The following CHRM3 variants were observed in gnomAD, a reference collection of about 807,000 sequenced individuals.
CHRM3 encodes the protein muscarinic acetylcholine receptor M3.
Under a neutral mutation model 41.8 loss-of-function variants are expected in CHRM3, and 11 were observed. That is an observed-to-expected ratio of 0.26 (90% confidence interval 0.17 to 0.44). The LOEUF (loss-of-function observed/expected upper bound fraction) is 0.44, where lower values mean the gene tolerates loss of function less well. CHRM3 is among the 20% of genes least tolerant of loss of function. The pLI, the probability that CHRM3 is intolerant of heterozygous loss-of-function variation, is 1.00. For synonymous variants in CHRM3, 297 were observed against 301.4 expected (o/e 0.99, Z 0.15); for missense variants, 571 against 745.4 (o/e 0.77, Z 2.72).
chr1:239,461,355 T>C (rs765530076), intron 1 of CHRM3, among the ~76,000 whole-genome samples: 77 of 152,266 alleles, frequency 5.1e-4, no homozygotes, highest in Non-Finnish European at 9.9e-4. Context: ...TTGGTCAATA[T>C]ACATAGAAGA....
At chr1:239,512,836 C>G (rs1669012552) in intron 2 of CHRM3, among the ~76,000 whole-genome samples, 1 of 151,192 alleles carries the variant, frequency 6.6e-6, no homozygotes, top group Non-Finnish European at 1.5e-5. Context: ...CTGTTAGAAT[C>G]AAGACTGTTG....
At chr1:239,816,430 A>G (rs58359377) in intron 5 of CHRM3, among the ~76,000 whole-genome samples, 76,659 of 151,894 alleles carry the variant, frequency 0.5, 19,974 homozygotes, top group African/African-American at 0.64. Flanking sequence ...TAATCCCCAC[A>G]GAGCATCTAT....
At chr1:239,572,903 G>A (rs945123219) in intron 3 of CHRM3, among the ~76,000 whole-genome samples, 2 of 152,154 alleles carry the variant, frequency 1.3e-5, no homozygotes, top group African/African-American at 4.8e-5. Flanking sequence ...TCCTTTGTCT[G>A]TGATTGTTTA....
chr1:239,903,128 T>G (rs544337039), intron 6 of CHRM3, among the ~76,000 whole-genome samples: 1 of 152,326 alleles, frequency 6.6e-6, no homozygotes, highest in African/African-American at 2.4e-5. Flanking sequence ...TTCTTTCATT[T>G]TCTGTATTCA....
intron 6 of CHRM3, among the ~76,000 whole-genome samples, chr1:239,852,102 A>C (rs1202599204): frequency 1.3e-5 from 2 of 151,958 alleles, no homozygotes; most frequent in Non-Finnish European, 2.9e-5. Flanking sequence ...GTCCAATTCA[A>C]CTCCAATAAA....
At chr1:239,597,482 T>C (rs1394186406) in intron 3 of CHRM3, among the ~76,000 whole-genome samples, 1 of 151,122 alleles carries the variant, frequency 6.6e-6, no homozygotes, top group East Asian at 1.9e-4. Flanking sequence ...TCTGATCTTG[T>C]AGATTTTTTT....
intron 5 of CHRM3, among the ~76,000 whole-genome samples, chr1:239,741,669 A>G (rs1256055305): frequency 7.2e-6 from 1 of 139,068 alleles, no homozygotes; most frequent in African/African-American, 2.6e-5. Flanking sequence ...GGTTGAATTC[A>G]ATCAGCTAAA....
intron 1 of CHRM3, among the ~76,000 whole-genome samples, chr1:239,460,432 A>T (rs1447830832): frequency 6.6e-6 from 1 of 152,180 alleles, no homozygotes; most frequent in Non-Finnish European, 1.5e-5. Flanking sequence ...CCATCCCAGA[A>T]TGATTGGTAT....
At chr1:239,455,623 G>C (rs530537205) in intron 1 of CHRM3, among the ~76,000 whole-genome samples, 1 of 152,214 alleles carries the variant, frequency 6.6e-6, no homozygotes, top group Admixed American at 6.5e-5. Context: ...ATAGAAAAAA[G>C]CTTATAGTAT....
At chr1:239,879,055 G>A (rs1234624735) in intron 6 of CHRM3, among the ~76,000 whole-genome samples, 4 of 152,114 alleles carry the variant, frequency 2.6e-5, no homozygotes, top group Non-Finnish European at 5.9e-5. Context: ...CTGGAGAACT[G>A]GTCTAAGCAC....
chr1:239,720,709 C>A (rs533854420), intron 5 of CHRM3, among the ~76,000 whole-genome samples: 2 of 151,842 alleles, frequency 1.3e-5, no homozygotes, highest in African/African-American at 4.8e-5. Flanking sequence ...CACGAATAAG[C>A]ATGATTTAAC....
intron 2 of CHRM3, among the ~76,000 whole-genome samples, chr1:239,501,038 T>A (rs1668209438): frequency 6.6e-6 from 1 of 152,198 alleles, no homozygotes; most frequent in Non-Finnish European, 1.5e-5. Flanking sequence ...AAGAGGTACA[T>A]TATATAATGG....
chr1:239,388,985 C>T (rs1658783848), intron 1 of CHRM3, among the ~76,000 whole-genome samples: 1 of 152,074 alleles, frequency 6.6e-6, no homozygotes, highest in South Asian at 2.1e-4. Context: ...AATGACATTG[C>T]CGGTCGGATT....
chr1:239,841,462 AGGAAAAAT>A lies in CHRM3; in HGVS notation c.-20+14085_-20+14092del, dbSNP rs1246156377. Among the ~76,000 whole-genome samples, 50 of 152,272 alleles carry A rather than the reference AGGAAAAAT, an allele frequency of 3.3e-4. No homozygotes were observed. The South Asian group carries it at 0.01, about 32-fold the overall frequency. On this transcript the variant is annotated intron_variant, in intron 6 of 6. Coordinates refer to ENST00000676153, the MANE Select transcript of CHRM3 (RefSeq NM_001375978.1). The stretch of plus-strand genomic sequence containing the variant: ...TCGCAACTTTCAGCTGTCTCTAAGG[AGGAAAAAT>A]AGAGAGTAAAACTCTATTACCTGTT...
At chr1:239,868,583 G>C (rs1336058723) in intron 6 of CHRM3, among the ~76,000 whole-genome samples, 2 of 152,166 alleles carry the variant, frequency 1.3e-5, no homozygotes, top group African/African-American at 4.8e-5. Context: ...CCATCCGCCA[G>C]CCCTGGCTAG....
chr1:239,518,094 A>G (rs1467204441), intron 2 of CHRM3, among the ~76,000 whole-genome samples: 6 of 152,178 alleles, frequency 3.9e-5, no homozygotes, highest in Non-Finnish European at 8.8e-5. Flanking sequence ...CAACAGAGTG[A>G]GACTCCATCT....
intron 2 of CHRM3, among the ~76,000 whole-genome samples, chr1:239,499,197 G>C (rs563622437): frequency 6.6e-6 from 1 of 152,216 alleles, no homozygotes; most frequent in Non-Finnish European, 1.5e-5. Context: ...AAGGGATTTG[G>C]CTTCTGGATT....
intron 5 of CHRM3, among the ~76,000 whole-genome samples, chr1:239,759,169 G>GTTTTTTTTTTT (rs568446013): frequency 1.6e-4 from 16 of 102,098 alleles, no homozygotes; most frequent in East Asian, 3.3e-4. Context: ...TTTTTTTTTT[G>GTTTTTTTTTTT]TTTTTTTTTT....
chr1:239,910,842 G>T lies in CHRM3; in HGVS notation c.*1618G>T, dbSNP rs958783744. On this transcript the variant is annotated 3_prime_UTR_variant, in exon 7 of 7. Coordinates refer to ENST00000676153, the MANE Select transcript of CHRM3 (RefSeq NM_001375978.1). ...TGGGTAGAAGCTGCTTTTGTATTCA[G>T]TGTGAGGTGGTGTTTACAGACGACT... 3.6e-5 allele frequency: 6 copies of T among 167,028 alleles called. No homozygotes were observed. The highest frequency in any genetic ancestry group is 1.3e-4 in the Admixed American group (2 of 15,258). 10.3% of individuals were successfully genotyped at this position (167,028 alleles called of 1,614,324 possible). A position where few individuals can be genotyped will look rare whatever the true frequency, so the allele number is the denominator to read the frequency against.
Sources: gnomAD v4.1 joint callset for allele counts (sites outside exome capture counted in the v4.1 genomes callset) on GRCh38, gnomAD v4.1.1 for gene constraint, MANE v1.5 for transcripts, NCBI Gene and HGNC (gene_info 2026-07-23, HGNC 2026-07-21) for gene names.